ZFYVE28: variants seen among roughly 807,000 people sequenced by gnomAD.
ZFYVE28 encodes lateral signaling target protein 2 homolog.
Under a neutral mutation model 82.1 loss-of-function variants are expected in ZFYVE28, and 40 were observed. That is an observed-to-expected ratio of 0.49 (90% CI 0.38 to 0.63). ZFYVE28 has a LOEUF of 0.63. ZFYVE28 is among the 30% of genes least tolerant of loss of function. The pLI is 0.00. For synonymous variants in ZFYVE28, 612 were observed against 546.1 expected (o/e 1.12, Z -1.68); for missense variants, 1,321 against 1,242.1 (o/e 1.06, Z -0.96).
At chr4:2,271,214 GC>G (rs1735876244) in intron 12 of ZFYVE28, 96 bp downstream of exon 12, 2 of 1,284,808 alleles carry the variant, frequency 1.6e-6, no homozygotes, top group African/African-American at 2.9e-5. Context: ...GGCCTCGCTG[GC>G]CTCCCTGGGC....
intron 8 of ZFYVE28, among the ~76,000 whole-genome samples, chr4:2,302,839 T>C (rs1715783749): frequency 6.6e-6 from 1 of 152,254 alleles, no homozygotes; most frequent in Non-Finnish European, 1.5e-5. Flanking sequence ...ACGTTACGTC[T>C]GGTGGACGAA....
rs1164394874 is a variant in ZFYVE28 at position 2,393,108 on chromosome 4, T to C, written c.39+25177A>G. Reference sequence around the variant, plus strand: ...TTTGAGGACGCTGTCATATTGATCATGGCCAGTCAATCCCATCTCATCTGC... The same window carrying C: ...TTTGAGGACGCTGTCATATTGATCACGGCCAGTCAATCCCATCTCATCTGC... On this transcript the variant is annotated intron_variant, in intron 1 of 12. Transcript: ENST00000290974. Among the ~76,000 whole-genome samples, 3 of 152,186 alleles carry C rather than the reference T, an allele frequency of 2.0e-5. No homozygotes were observed. In the East Asian group the frequency reaches 5.8e-4, roughly 29 times the overall value.
At chr4:2,287,986 C>A (rs1439955601) in intron 8 of ZFYVE28, among the ~76,000 whole-genome samples, 3 of 152,136 alleles carry the variant, frequency 2.0e-5, no homozygotes, top group Non-Finnish European at 4.4e-5. Flanking sequence ...GTTAGGAACA[C>A]GAATTCCTTT....
intron 2 of ZFYVE28, among the ~76,000 whole-genome samples, chr4:2,350,404 G>C (rs1357502725): frequency 4.0e-5 from 6 of 151,738 alleles, no homozygotes; most frequent in East Asian, 1.9e-4. Flanking sequence ...GCGGAACTTG[G>C]ACTGAGCCGA....
chr4:2,320,333 G>A lies in ZFYVE28; in HGVS notation c.702-62C>T. The A allele has an allele frequency of 1.3e-6, 2 of 1,515,362 alleles. No individual in the cohort carries two copies. The highest frequency in any genetic ancestry group is 1.2e-5 in the South Asian group (1 of 84,160). The allele number at this position is 1,515,362 out of a possible 1,614,324, so 93.9% of individuals were successfully genotyped here. ...TGTGGCCCCCTGGGTGCCGCGGACG[G>A]CCCAACTTAACCACCTGCGAAAACC... is the stretch of plus-strand genomic sequence containing the variant. On this transcript the variant is annotated intron_variant, in intron 6 of 12. Coordinates refer to ENST00000290974, the MANE Select transcript of ZFYVE28 (RefSeq NM_020972.3). The surrounding 1 kb of genome is among the most constrained non-coding windows in gnomAD (Gnocchi z 5.1).
In ZFYVE28 at chr4:2,288,754, G is replaced by T. The variant is rs557821149; in HGVS notation, c.2052-14538C>A. ...ATACTTTGGGAGGCCAAGGCAGGAG[G>T]ATCATTTGAGTCCAGGAGTTTGAGA... On this transcript the variant is annotated intron_variant, in intron 8 of 12. Coordinates refer to ENST00000290974, the MANE Select transcript of ZFYVE28 (RefSeq NM_020972.3). Among the ~76,000 whole-genome samples the T allele has an allele frequency of 2.0e-5, 3 of 151,592 alleles. No homozygotes were observed. The East Asian group carries it at 5.9e-4, about 30-fold the overall frequency.
At chr4:2,308,158 C>T (rs1716867585) in intron 7 of ZFYVE28, among the ~76,000 whole-genome samples, 1 of 151,942 alleles carries the variant, frequency 6.6e-6, no homozygotes, top group South Asian at 2.1e-4. Context: ...CTTGTTCTGT[C>T]ACCCAGGCTG....
chr4:2,324,229 T>C (rs1719536622), intron 6 of ZFYVE28, among the ~76,000 whole-genome samples: 3 of 152,154 alleles, frequency 2.0e-5, no homozygotes, highest in Admixed American at 1.3e-4. Flanking sequence ...CCCCCTTACT[T>C]GCGGATCTCA....
intron 8 of ZFYVE28, among the ~76,000 whole-genome samples, chr4:2,297,039 C>G (rs1387314015): frequency 6.6e-6 from 1 of 152,212 alleles, no homozygotes; most frequent in Non-Finnish European, 1.5e-5. Flanking sequence ...GAGGCCCCAC[C>G]CAGGGAAGGG....
intron 9 of ZFYVE28, among the ~76,000 whole-genome samples, chr4:2,273,707 GT>G (rs1482294740): frequency 6.6e-6 from 1 of 152,142 alleles, no homozygotes; most frequent in Non-Finnish European, 1.5e-5. Flanking sequence ...TGCAAAGCAT[GT>G]CCACCCCTCG....
chr4:2,286,098 T>C (rs1425757611), intron 8 of ZFYVE28: 1 of 152,510 alleles, frequency 6.6e-6, no homozygotes, highest in Non-Finnish European at 1.5e-5. Context: ...TGGCCTGAGA[T>C]TTGCTGCTGC....
chr4:2,278,044 A>T (rs1736632857), intron 8 of ZFYVE28, among the ~76,000 whole-genome samples: 2 of 152,210 alleles, frequency 1.3e-5, no homozygotes, highest in South Asian at 4.1e-4. Context: ...GTGGATTCTC[A>T]GCAAGGGTGC....
Position 2,418,145 on chromosome 4 carries a change from G to T in ZFYVE28, c.39+140C>A. On this transcript the variant is annotated intron_variant, in intron 1 of 12. Transcript: ENST00000290974. This position sits in a 1 kb window ranked among gnomAD's most constrained non-coding sequence, Gnocchi z 4.6. ...TGAAGATCTGTCCAAGTCTTGGAGT[G>T]GAGGGAAGGATGTCGGCGGTGGGGG... 1 of 672,454 alleles carries T rather than the reference G, an allele frequency of 1.5e-6. No homozygotes were observed. Among genetic ancestry groups the T allele is most frequent in the Non-Finnish European group, 2.3e-6 (1 of 441,984 alleles). The allele number at this position is 672,454 out of a possible 1,614,324, so 41.7% of individuals were successfully genotyped here. A position where few individuals can be genotyped will look rare whatever the true frequency, so the allele number is the denominator to read the frequency against.
At chr4:2,340,655 C>T (rs927331833) in intron 3 of ZFYVE28, among the ~76,000 whole-genome samples, 2 of 152,206 alleles carry the variant, frequency 1.3e-5, no homozygotes, top group South Asian at 2.1e-4. Flanking sequence ...GCACAGAACA[C>T]GCTCCATCTC....
chr4:2,374,655 AG>A (rs1727924904), intron 1 of ZFYVE28, among the ~76,000 whole-genome samples: 1 of 151,982 alleles, frequency 6.6e-6, no homozygotes, highest in Non-Finnish European at 1.5e-5. Context: ...AAGGAGGAGG[AG>A]GGGGAAAATT....
chr4:2,386,867 C>T (rs1424547469), intron 1 of ZFYVE28, among the ~76,000 whole-genome samples: 5 of 152,270 alleles, frequency 3.3e-5, no homozygotes, highest in Non-Finnish European at 7.3e-5. Flanking sequence ...TGCCCGCCCG[C>T]CTGAGGTGCC....
intron 7 of ZFYVE28, among the ~76,000 whole-genome samples, chr4:2,313,725 G>A (rs970449317): frequency 1.1e-4 from 17 of 151,958 alleles, no homozygotes; most frequent in African/African-American, 4.1e-4. Context: ...AATTAGCCAG[G>A]CAGTAGTGGC....
chr4:2,330,239 T>C, intron 6 of ZFYVE28: 5 of 978,070 alleles, frequency 5.1e-6, no homozygotes, highest in Non-Finnish European at 6.1e-6. Context: ...GACTGTGCAC[T>C]GTAGATGGGT....
chr4:2,357,676 G>T (rs1578234733), intron 1 of ZFYVE28, among the ~76,000 whole-genome samples: 1 of 152,206 alleles, frequency 6.6e-6, no homozygotes, highest in Admixed American at 6.5e-5. Context: ...CTCTCCACGT[G>T]TGTCCCGCAG....
Sources: gnomAD v4.1 joint callset for allele counts (sites outside exome capture counted in the v4.1 genomes callset) on GRCh38, gnomAD v4.1.1 for gene constraint, Gnocchi (gnomAD v3.1) non-coding constraint, MANE v1.5 for transcripts, NCBI Gene and HGNC (gene_info 2026-07-23, HGNC 2026-07-21) for gene names.